NEB: variants seen among roughly 807,000 people sequenced by gnomAD.
NEB encodes nemaline myopathy type 2.
Under a neutral mutation model 952.2 loss-of-function variants are expected in NEB, and 512 were observed. The observed-to-expected ratio is 0.54, with a 90% CI of 0.50 to 0.58. NEB has a LOEUF of 0.58. NEB is among the 20% of genes least tolerant of loss of function. The pLI, the probability that NEB is intolerant of heterozygous loss-of-function variation, is 0.00. For synonymous variants in NEB, 2,900 were observed against 3,149.8 expected (o/e 0.92, Z 2.66); for missense variants, 8,428 against 9,231.1 (o/e 0.91, Z 3.56).
chr2:151,609,997 T>C lies in NEB; in HGVS notation c.12142A>G (p.Lys4048Glu). The C allele has an allele frequency of 6.2e-7, 1 of 1,613,974 alleles. No homozygotes were observed. Among genetic ancestry groups the C allele is most frequent in the Non-Finnish European group, 8.5e-7 (1 of 1,179,868 alleles). The stretch of plus-strand genomic sequence containing the variant: ...GTTTTCCACTTTTGGAATTCCTTCT[T>C]GTACTCCCTTTCACTTTGAATTTTT... ...AGKIQSEREY[K>E]KEFQKWKTKF... Residue 4048 changes from lysine (K) to glutamate (E), a missense_variant, in exon 81 of 182, where the codon AAG (lysine) becomes GAG (glutamate). Physicochemically the swap from Lys to Glu is moderately conservative, Grantham distance 56 (BLOSUM62 1). This residue lies in a region of NEB where 337 missense variants were observed against 297.5 expected (regional missense o/e 1.13). Transcript: ENST00000397345.
chr2:151,576,444 A>G, intron 105 of NEB, 90 bp from the exon 106 acceptor site: 1 of 392,566 alleles, frequency 2.5e-6, no homozygotes, highest in Middle Eastern at 9.2e-4. Context: ...TTGTGTGTGT[A>G]TATATTATAT....
chr2:151,688,330 A>G lies in NEB; in HGVS notation c.2377T>C (p.Phe793Leu). ...TAGGCATTGACTCTGTGTTGGATAA[A>G]CTGTGGAGCATCTGCTGGTATATGG... ...KCHIPADAPQ[F>L]IQHRVNAYNL... Residue 793 changes from phenylalanine to leucine, a missense_variant, in exon 25 of 182, where the codon TTT becomes CTT. Transcript: ENST00000397345. 1 of 1,613,882 alleles carries G rather than the reference A, an allele frequency of 6.2e-7. No homozygotes were observed. Among genetic ancestry groups the G allele is most frequent in the Non-Finnish European group, 8.5e-7 (1 of 1,179,804 alleles).
At position 151,684,764 on chromosome 2, in the gene NEB, C is replaced by T; in HGVS notation, c.2835+14G>A. ...CTTTTTAAAAGAGGGGCTACAGAAA[C>T]CCTGGTTACTCACATCGCTCTGCAG... On this transcript the variant is annotated intron_variant, in intron 28 of 181. Transcript: ENST00000397345. The T allele has an allele frequency of 1.7e-5, 26 of 1,548,270 alleles. No homozygotes were observed. The highest frequency in any genetic ancestry group is 1.7e-5 in the Non-Finnish European group (19 of 1,149,064).
Position 151,492,082 on chromosome 2 carries a change from A to T in NEB, c.25057+16T>A. On this transcript the variant is annotated intron_variant, in intron 178 of 181. Coordinates refer to ENST00000397345, the MANE Select transcript of NEB (RefSeq NM_001164508.2). ...CACTTAAAGTTAATCCCCTCCCCCA[A>T]CCCAGGCTCAGTTACCTGTAATAGT... 3 of 1,612,770 alleles carry T rather than the reference A, an allele frequency of 1.9e-6. No individual in the cohort carries two copies. The highest frequency in any genetic ancestry group is 2.5e-6 in the Non-Finnish European group (3 of 1,179,118).
chr2:151,514,495 G>C, intron 158 of NEB, 67 bp from the exon 159 acceptor site: 1 of 1,275,874 alleles, frequency 7.8e-7, no homozygotes, highest in Admixed American at 1.7e-5. Context: ...AGGCAAAGAA[G>C]AAAATAAAAA....
In NEB at chr2:151,507,991, T is replaced by G. The variant is rs190098609; in HGVS notation, c.23451+14A>C. 9.4e-5 allele frequency: 149 copies of G among 1,582,424 alleles called. 2 individuals are homozygous for G. The African/African-American group carries it at 1.8e-3, about 19-fold the overall frequency. On this transcript the variant is annotated intron_variant, in intron 162 of 181. Coordinates refer to ENST00000397345, the MANE Select transcript of NEB (RefSeq NM_001164508.2). ...GTGCCTGTGGGCTGTGCCTTACATT[T>G]AATAAAAACTTACAAGGCTGAAGTT...
In NEB at chr2:151,516,364, C is replaced by T. The variant is rs1328554697; in HGVS notation, c.22905+95G>A. ...TGATAAAAAGTTTCATCAGCTACCACTTTTGGATGACAGGAAACTGGCCAT... is the reference window on the plus strand; with the variant it reads ...TGATAAAAAGTTTCATCAGCTACCATTTTTGGATGACAGGAAACTGGCCAT... On this transcript the variant is annotated intron_variant, in intron 157 of 181. Transcript: ENST00000397345. 7.7e-6 allele frequency: 6 copies of T among 778,970 alleles called. No homozygotes were observed. The South Asian group carries it at 8.0e-5, about 10-fold the overall frequency. 48.3% of individuals were successfully genotyped at this position (778,970 alleles called of 1,614,324 possible). A position where few individuals can be genotyped will look rare whatever the true frequency, so the allele number is the denominator to read the frequency against.
At position 151,655,384 on chromosome 2, in the gene NEB, G is replaced by T. The variant is rs780740443; in HGVS notation, c.6703-10C>A. On this transcript the variant is annotated splice_polypyrimidine_tract_variant and intron_variant, in intron 50 of 181. Transcript: ENST00000397345. The stretch of plus-strand genomic sequence containing the variant: ...CAATGGTGTATAAATGCTAGGAAGT[G>T]GGAAAAAAAGACATGAAATTTGAAT... 6.9e-7 allele frequency: 1 copy of T among 1,449,468 alleles called. No individual in the cohort carries two copies. Among genetic ancestry groups the T allele is most frequent in the African/African-American group, 1.4e-5 (1 of 70,470 alleles). 89.8% of individuals were successfully genotyped at this position (1,449,468 alleles called of 1,614,324 possible).
chr2:151,698,390 T>G (rs1361879495), intron 13 of NEB, among the ~76,000 whole-genome samples: 3 of 151,794 alleles, frequency 2.0e-5, no homozygotes, highest in Non-Finnish European at 2.9e-5. Flanking sequence ...CACCAAAAAC[T>G]CTGTAGTTGC....
In NEB at chr2:151,633,901, T is replaced by C; in HGVS notation, c.9167A>G (p.Asp3056Gly). The C allele has an allele frequency of 6.2e-7, 1 of 1,614,040 alleles. No individual in the cohort carries two copies. The highest frequency in any genetic ancestry group is 1.1e-5 in the South Asian group (1 of 91,088). Residue 3056 changes from aspartate to glycine, a missense_variant, in exon 65 of 182, where the codon GAT becomes GGT. By Grantham distance (94) the Asp-to-Gly change is moderately conservative (BLOSUM62 -1). Around this residue, in one of 11 missense-constraint regions of NEB, gnomAD observed 1,772 missense variants for 1,960.3 expected, o/e 0.90. Coordinates refer to ENST00000397345, the MANE Select transcript of NEB (RefSeq NM_001164508.2). ...CATGGACCACATCATCTTGGGGTCA[T>C]CTTCAATGTTCCGGGCTCCAATATG... ...GHHIGARNIE[D>G]DPKMMWSMHV...
chr2:151,675,038 G>A (rs2099348353), intron 35 of NEB, among the ~76,000 whole-genome samples: 1 of 152,170 alleles, frequency 6.6e-6, no homozygotes, highest in South Asian at 2.1e-4. Context: ...AAACCAAGTA[G>A]AAGTTTTAGG....
intron 147 of NEB, 35 bp from the exon 148 acceptor site, chr2:151,527,057 G>A (rs914521494): frequency 5.0e-6 from 7 of 1,411,692 alleles, no homozygotes; most frequent in South Asian, 1.2e-5. Flanking sequence ...AAAGGGAAGG[G>A]TGACAGCACA....
intron 46 of NEB, among the ~76,000 whole-genome samples, chr2:151,661,395 A>T (rs1413375643): frequency 2.6e-5 from 4 of 152,166 alleles, no homozygotes; most frequent in Non-Finnish European, 5.9e-5. Flanking sequence ...AGCATAATAC[A>T]GTTCTATCTT....
Position 151,677,671 on chromosome 2 carries a change from A to G in NEB, c.3668T>C (p.Leu1223Pro), listed in dbSNP as rs2154209791. 6.2e-7 allele frequency: 1 copy of G among 1,613,988 alleles called. No individual in the cohort carries two copies. The highest frequency in any genetic ancestry group is 8.5e-7 in the Non-Finnish European group (1 of 1,179,886). ...VEKVKKAGDA[L>P]NEKKYRQHPD... ...ATGTTGCCTGTACTTCTTTTCATTCAGAGCATCACCGGCCTTTTTAACTTT... is the reference window on the plus strand; with the variant it reads ...ATGTTGCCTGTACTTCTTTTCATTCGGAGCATCACCGGCCTTTTTAACTTT... The change falls in exon 34 of 182, where the codon CTG becomes CCG. Residue 1223 changes from leucine (L) to proline (P), a missense_variant. This residue lies in a region of NEB where 2,851 missense variants were observed against 2,791.5 expected (regional missense o/e 1.02). Coordinates refer to ENST00000397345, the MANE Select transcript of NEB (RefSeq NM_001164508.2).
rs2099787749 is a variant in NEB, at chr2:151,725,465, A to T, written c.390T>A (p.Asp130Glu). Residue 130 changes from aspartate (D) to glutamate (E), a missense_variant, in exon 6 of 182, where the codon GAT (aspartate) becomes GAA (glutamate). Asp to Glu is a conservative substitution (Grantham distance 45). Around this residue, in one of 11 missense-constraint regions of NEB, gnomAD observed 2,851 missense variants for 2,791.5 expected, o/e 1.02. Transcript: ENST00000397345. ...PELRRIKKVQ[D>E]QLSEVKYRMD... ...CAATGCAGCCCACCTCACTGAGTTG[A>T]TCTTGTACTTTTTTGATTCTGCGAA... 4 of 1,612,900 alleles carry T rather than the reference A, an allele frequency of 2.5e-6. No individual in the cohort carries two copies. Among genetic ancestry groups the T allele is most frequent in the Non-Finnish European group, 3.4e-6 (4 of 1,179,276 alleles).
rs1181844106 is a variant in NEB, at chr2:151,548,357, T to C, written c.20108A>G (p.Lys6703Arg). 1.2e-6 allele frequency: 2 copies of C among 1,613,684 alleles called. No individual in the cohort carries two copies. Among genetic ancestry groups the C allele is most frequent in the African/African-American group, 1.3e-5 (1 of 74,930 alleles). Reference protein sequence around the residue: ...TKAYGYTLGPKDVPFVHVRRV... With the variant: ...TKAYGYTLGPRDVPFVHVRRV... ...CCGGACGTGGACAAATGGAACATCTTTGGGGCCAAGTGTATACCCATATGC... is the reference window on the plus strand; with the variant it reads ...CCGGACGTGGACAAATGGAACATCTCTGGGGCCAAGTGTATACCCATATGC... The change falls in exon 131 of 182, where the codon AAA becomes AGA. Residue 6703 changes from lysine to arginine, a missense_variant. Around this residue, in one of 11 missense-constraint regions of NEB, gnomAD observed 3,374 missense variants for 3,651.5 expected, o/e 0.92. Transcript: ENST00000397345.
In NEB at chr2:151,697,336, G is replaced by T. The variant is rs750849844; in HGVS notation, c.1365+14C>A. On this transcript the variant is annotated intron_variant, in intron 15 of 181. Coordinates refer to ENST00000397345, the MANE Select transcript of NEB (RefSeq NM_001164508.2). ...ATGTTATTTGGAAAGTCAAACAATT[G>T]TCTTAGAACTTACATCACTGTTTTG... is the stretch of plus-strand genomic sequence containing the variant. The T allele has an allele frequency of 1.1e-5, 17 of 1,611,648 alleles. 1 individual carries two copies. The highest frequency in any genetic ancestry group is 1.6e-4 in the Middle Eastern group (1 of 6,076).
chr2:151,653,887 C>G, intron 52 of NEB, 105 bp downstream of exon 52: 2 of 661,330 alleles, frequency 3.0e-6, no homozygotes, highest in Admixed American at 5.5e-5. Context: ...ATGAAGGAAG[C>G]ATTATATTTT....
Position 151,671,172 on chromosome 2 carries a change from C to A in NEB, c.4357G>T (p.Gly1453Cys), listed in dbSNP as rs925603435. The change falls in exon 38 of 182, where the codon GGT becomes TGT. Residue 1453 changes from glycine (G) to cysteine (C), a missense_variant. Gly to Cys is a radical substitution (Grantham distance 159, BLOSUM62 -3). Transcript: ENST00000397345. ...FLKGIGWIPI[G>C]SLEVEKVKKA... ...TTGACCTTCTCCACCTCCAGGGAAC[C>A]AATAGGGATCCATCCGATGCCCTTC... 1.2e-6 allele frequency: 2 copies of A among 1,613,802 alleles called. No individual in the cohort carries two copies. Among genetic ancestry groups the A allele is most frequent in the East Asian group, 2.2e-5 (1 of 44,892 alleles).
Sources: gnomAD v4.1 joint callset for allele counts (sites outside exome capture counted in the v4.1 genomes callset) on GRCh38, gnomAD v4.1.1 for gene constraint, gnomAD v4.1.1 regional missense constraint, MANE v1.5 for transcripts, NCBI Gene and HGNC (gene_info 2026-07-23, HGNC 2026-07-21) for gene names.